PTPRA: variants seen among roughly 807,000 people sequenced by gnomAD.
PTPRA encodes the protein protein tyrosine phosphatase receptor type A.
Under a neutral mutation model 104.8 loss-of-function variants are expected in PTPRA, and 25 were observed. That is an observed-to-expected ratio of 0.24 (90% CI 0.17 to 0.33). The LOEUF (loss-of-function observed/expected upper bound fraction) is 0.33, where lower values mean the gene tolerates loss of function less well. Ranked by LOEUF, PTPRA falls within the 10% of genes least tolerant of loss-of-function variation. The pLI, the probability that PTPRA is intolerant of heterozygous loss-of-function variation, is 1.00. For missense variants in PTPRA, 765 were observed against 1,015.3 expected, an observed-to-expected ratio of 0.75 and a Z score of 3.35; for synonymous variants, 323 against 368.9, an observed-to-expected ratio of 0.88 and a Z score of 1.43.
chr20:3,024,376 G>A (rs1300080647), intron 16 of PTPRA, 96 bp from the exon 17 acceptor site: 2 of 1,282,856 alleles, frequency 1.6e-6, no homozygotes, highest in Admixed American at 4.1e-5. Context: ...GATCAAAGGA[G>A]AAATGGACTG....
intron 2 of PTPRA, among the ~76,000 whole-genome samples, chr20:2,947,140 A>C (rs1036589279): frequency 6.6e-6 from 1 of 152,128 alleles, no homozygotes; most frequent in Non-Finnish European, 1.5e-5. Context: ...CTTGCAAATC[A>C]GGTTTACCAT....
intron 2 of PTPRA, among the ~76,000 whole-genome samples, chr20:2,943,214 C>CCA (rs11473129): frequency 2.7e-5 from 1 of 36,366 alleles, no homozygotes. Flanking sequence ...TATCCCCCCA[C>CCA]CCCCCCCCCA....
chr20:2,905,843 C>T (rs1444250068), intron 1 of PTPRA, among the ~76,000 whole-genome samples: 1 of 151,932 alleles, frequency 6.6e-6, no homozygotes, highest in Non-Finnish European at 1.5e-5. Flanking sequence ...CGCCACCACA[C>T]CTGGCTACTT....
At chr20:2,902,497 G>A (rs1280627372) in intron 1 of PTPRA, among the ~76,000 whole-genome samples, 1 of 152,120 alleles carries the variant, frequency 6.6e-6, no homozygotes, top group African/African-American at 2.4e-5. Flanking sequence ...CTTGGCAGCT[G>A]CCGGCACTGG....
chr20:2,878,983 A>C (rs982338743), intron 1 of PTPRA, among the ~76,000 whole-genome samples: 2 of 152,230 alleles, frequency 1.3e-5, no homozygotes, highest in African/African-American at 4.8e-5. Flanking sequence ...AGTATAAAAT[A>C]TAAGGCTAGA....
chr20:3,019,121 C>T (rs2064672765), intron 13 of PTPRA, among the ~76,000 whole-genome samples: 1 of 144,224 alleles, frequency 6.9e-6, no homozygotes, highest in Non-Finnish European at 1.5e-5. Flanking sequence ...GCGCCCCTCA[C>T]CTCCTGGACG....
chr20:2,963,865 G>A (rs182205909), intron 3 of PTPRA, among the ~76,000 whole-genome samples: 11 of 152,016 alleles, frequency 7.2e-5, no homozygotes, highest in African/African-American at 2.4e-4. Flanking sequence ...ATAGTGAGAC[G>A]CCGTCTCTAC....
At chr20:2,985,473 A>G (rs939421968) in intron 6 of PTPRA, among the ~76,000 whole-genome samples, 2 of 152,166 alleles carry the variant, frequency 1.3e-5, no homozygotes, top group African/African-American at 4.8e-5. Flanking sequence ...AGGTAGGAAA[A>G]TGGTGAAGAT....
At chr20:2,942,532 G>T (rs758094540) in intron 2 of PTPRA, among the ~76,000 whole-genome samples, 1 of 151,726 alleles carries the variant, frequency 6.6e-6, no homozygotes, top group Non-Finnish European at 1.5e-5. Flanking sequence ...CATTTAGTTT[G>T]TTTAATATAG....
chr20:2,904,089 T>G (rs557758569), intron 1 of PTPRA, among the ~76,000 whole-genome samples: 18 of 152,080 alleles, frequency 1.2e-4, no homozygotes, highest in African/African-American at 2.7e-4. Flanking sequence ...ATTTATTTTT[T>G]TGTGTGTGTG....
chr20:2,969,978 T>TAATA (rs111309365), intron 5 of PTPRA, among the ~76,000 whole-genome samples: 80,109 of 149,952 alleles, frequency 0.53, 21,759 homozygotes, highest in East Asian at 0.79. Context: ...TCTAAATAAA[T>TAATA]AATAAATAAA....
chr20:2,873,310 C>T (rs998171210), upstream of PTPRA: 1 of 152,210 alleles, frequency 6.6e-6, no homozygotes, highest in Non-Finnish European at 1.5e-5. The surrounding 1 kb of genome is among the most constrained non-coding windows in gnomAD (Gnocchi z 4.4). Context: ...GGGCGAACCC[C>T]TCTGGAGCTA....
intron 1 of PTPRA, among the ~76,000 whole-genome samples, chr20:2,907,479 A>G (rs758950442): frequency 1.4e-4 from 21 of 152,198 alleles, no homozygotes; most frequent in Non-Finnish European, 2.8e-4. Context: ...ATAAATTCAG[A>G]TATTTTTCAT....
chr20:2,975,173 T>C, intron 5 of PTPRA, 42 bp from the exon 6 acceptor site: 2 of 1,517,438 alleles, frequency 1.3e-6, no homozygotes, highest in Non-Finnish European at 1.8e-6. Context: ...AATGTGTTTC[T>C]TTAACCTGAA....
intron 2 of PTPRA, among the ~76,000 whole-genome samples, chr20:2,923,565 G>A (rs1026443270): frequency 2.0e-5 from 3 of 151,886 alleles, no homozygotes; most frequent in East Asian, 1.9e-4. Context: ...TTGGGAGGCC[G>A]AGGCGGGCAG....
chr20:3,008,767 G>GC (rs2064004906), intron 11 of PTPRA, among the ~76,000 whole-genome samples: 1 of 147,240 alleles, frequency 6.8e-6, no homozygotes, highest in African/African-American at 2.5e-5. Flanking sequence ...AAACAACTTA[G>GC]CCGGGCGTGG....
chr20:2,917,916 C>T (rs1266453550), intron 1 of PTPRA, among the ~76,000 whole-genome samples: 5 of 151,744 alleles, frequency 3.3e-5, no homozygotes, highest in African/African-American at 4.8e-5. Context: ...TTGTGAAACC[C>T]CGTTTCTACT....
intron 6 of PTPRA, among the ~76,000 whole-genome samples, chr20:2,983,635 G>A (rs977378336): frequency 1.3e-5 from 2 of 150,734 alleles, no homozygotes; most frequent in Non-Finnish European, 2.9e-5. Context: ...TATATTATTT[G>A]CAGCTGTGCT....
chr20:2,953,526 T>G (rs1220330156), intron 3 of PTPRA, among the ~76,000 whole-genome samples: 1 of 152,126 alleles, frequency 6.6e-6, no homozygotes, highest in East Asian at 1.9e-4. Context: ...GTGCTGGGAT[T>G]ACAGGCGTGA....
Sources: gnomAD v4.1 joint callset for allele counts (sites outside exome capture counted in the v4.1 genomes callset) on GRCh38, gnomAD v4.1.1 for gene constraint, Gnocchi (gnomAD v3.1) non-coding constraint, MANE v1.5 for transcripts, NCBI Gene and HGNC (gene_info 2026-07-23, HGNC 2026-07-21) for gene names.